MTUS2: variants seen among roughly 807,000 people sequenced by gnomAD.
MTUS2 encodes microtubule-associated tumor suppressor candidate 2.
A neutral mutation model predicts 114.1 loss-of-function variants in MTUS2; 40 were observed. The ratio of observed to expected loss-of-function variants is 0.35; its 90% CI spans 0.27 to 0.46. MTUS2 has a LOEUF of 0.46. Among genes scored for constraint, MTUS2 ranks in the 20% least tolerant of loss-of-function variants. The pLI is 1.00. For synonymous variants in MTUS2, 688 were observed against 672.0 expected (o/e 1.02, Z -0.37); for missense variants, 1,679 against 1,705.4 (o/e 0.98, Z 0.27).
intron 9 of MTUS2, among the ~76,000 whole-genome samples, chr13:29,479,581 C>T (rs1489034087): frequency 6.6e-6 from 1 of 152,216 alleles, no homozygotes; most frequent in African/African-American, 2.4e-5. Flanking sequence ...GAAACCCCCA[C>T]ACCTGCTCTG....
chr13:29,476,987 C>T (rs1880751353), intron 9 of MTUS2: 1 of 152,168 alleles, frequency 6.6e-6, no homozygotes. Flanking sequence ...TTATCCCATC[C>T]ACAGGTACAT....
intron 5 of MTUS2, among the ~76,000 whole-genome samples, chr13:29,212,896 G>C (rs11619729): frequency 2.4e-4 from 37 of 152,070 alleles, no homozygotes; most frequent in African/African-American, 4.8e-4. Flanking sequence ...AATCTCCAGC[G>C]CCAGAGGAAG....
intron 2 of MTUS2, among the ~76,000 whole-genome samples, chr13:28,906,597 T>G (rs1459371806): frequency 6.6e-6 from 1 of 151,700 alleles, no homozygotes; most frequent in African/African-American, 2.4e-5. Flanking sequence ...AGTTCTAGTT[T>G]GATTGCACTG....
intron 8 of MTUS2, among the ~76,000 whole-genome samples, chr13:29,406,815 G>A (rs544271313): frequency 1.3e-5 from 2 of 152,272 alleles, no homozygotes; most frequent in Admixed American, 1.3e-4. Flanking sequence ...ATATCATGCT[G>A]TAAGCATCAT....
At chr13:28,920,685 C>T (rs1269016948) in intron 2 of MTUS2, among the ~76,000 whole-genome samples, 2 of 152,194 alleles carry the variant, frequency 1.3e-5, no homozygotes, top group Non-Finnish European at 2.9e-5. Context: ...AAGATGCTGC[C>T]TGGGAGCTAG....
chr13:29,264,050 TAAAA>T (rs1383033121), intron 5 of MTUS2, among the ~76,000 whole-genome samples: 1 of 151,986 alleles, frequency 6.6e-6, no homozygotes, highest in Non-Finnish European at 1.5e-5. Context: ...GCCTGTAAAA[TAAAA>T]AACAAATTAT....
At chr13:28,944,540 T>TA (rs1486104480) in intron 2 of MTUS2, among the ~76,000 whole-genome samples, 1 of 152,236 alleles carries the variant, frequency 6.6e-6, no homozygotes, top group African/African-American at 2.4e-5. Context: ...GTCTTGTATA[T>TA]AATGACATTT....
intron 2 of MTUS2, among the ~76,000 whole-genome samples, chr13:28,980,249 C>T (rs1490659538): frequency 6.6e-6 from 1 of 152,142 alleles, no homozygotes; most frequent in African/African-American, 2.4e-5. Flanking sequence ...ATGTTTCCCC[C>T]TAGTTTTTCT....
chr13:29,011,073 C>T (rs962131763), intron 2 of MTUS2, among the ~76,000 whole-genome samples: 3 of 152,064 alleles, frequency 2.0e-5, no homozygotes, highest in Non-Finnish European at 2.9e-5. Context: ...ATCACTAAAC[C>T]GAATTGACCA....
At chr13:29,297,466 C>T (rs764082894) in intron 6 of MTUS2, among the ~76,000 whole-genome samples, 10 of 152,184 alleles carry the variant, frequency 6.6e-5, no homozygotes, top group Non-Finnish European at 1.3e-4. Context: ...CACCCCTAGT[C>T]ATACAACTTC....
chr13:29,229,266 C>T lies in MTUS2; in HGVS notation c.2645-52438C>T, dbSNP rs114434299. 1.5e-3 allele frequency among the ~76,000 whole-genome samples: 236 copies of T among 152,294 alleles called. 2 individuals are homozygous for T. The highest frequency in any genetic ancestry group is 5.3e-3 in the African/African-American group (219 of 41,570). On this transcript the variant is annotated intron_variant, in intron 5 of 15. Coordinates refer to ENST00000612955, the MANE Select transcript of MTUS2 (RefSeq NM_001033602.4). ...TAACTTTGTTTTGACCTCTAGCTTT[C>T]GTGTAATTTCTGCATCTGAACCATT...
At chr13:29,312,464 A>G (rs1156256747) in intron 6 of MTUS2, among the ~76,000 whole-genome samples, 2 of 152,250 alleles carry the variant, frequency 1.3e-5, no homozygotes, top group African/African-American at 4.8e-5. Flanking sequence ...ATATGAGGAC[A>G]CTTAATACTA....
chr13:29,324,732 G>A (rs755204072), intron 7 of MTUS2, 21 bp downstream of exon 7: 26 of 1,553,232 alleles, frequency 1.7e-5, no homozygotes, highest in Non-Finnish European at 2.3e-5. Flanking sequence ...AATATGATGT[G>A]TTCCTTGGGG....
chr13:29,307,399 C>T (rs1899523413), intron 6 of MTUS2: 6 of 1,007,308 alleles, frequency 6.0e-6, no homozygotes, highest in South Asian at 3.9e-5. Context: ...GAACATCATC[C>T]CTGCCCCTAG....
intron 9 of MTUS2, among the ~76,000 whole-genome samples, chr13:29,443,319 G>C (rs1269654316): frequency 6.6e-6 from 1 of 152,202 alleles, no homozygotes; most frequent in Non-Finnish European, 1.5e-5. Flanking sequence ...TGGCTCTGGG[G>C]GCCCTGTGTC....
At chr13:28,873,749 G>A (rs903549438) in intron 2 of MTUS2, among the ~76,000 whole-genome samples, 13 of 152,132 alleles carry the variant, frequency 8.5e-5, no homozygotes, top group Admixed American at 8.5e-4. Context: ...GTAAAGATCT[G>A]GCAGAGTTAT....
At chr13:28,915,979 A>G (rs956172894) in intron 2 of MTUS2, among the ~76,000 whole-genome samples, 2 of 151,666 alleles carry the variant, frequency 1.3e-5, no homozygotes, top group Non-Finnish European at 3.0e-5. Flanking sequence ...TTTGTATATG[A>G]CAGAAGATAG....
At chr13:29,329,063 TG>T (rs1176931194) in intron 7 of MTUS2, among the ~76,000 whole-genome samples, 2 of 152,178 alleles carry the variant, frequency 1.3e-5, no homozygotes, top group African/African-American at 4.8e-5. Flanking sequence ...TATTATTTTA[TG>T]TTGCATGCAG....
At position 29,026,749 on chromosome 13, in the gene MTUS2, C is replaced by T. The variant is rs1345246190; in HGVS notation, c.2051C>T (p.Ala684Val). The part of the protein sequence containing the change: ...CTMPLPHEEK[A>V]AGGDLKPSAN... ...ATGCCTCTTCCCCACGAAGAGAAGG[C>T]AGCAGGTGGTGACCTGAAGCCATCT... The change falls in exon 3 of 16, where the codon GCA (alanine) becomes GTA (valine). Residue 684 changes from alanine (A) to valine (V), a missense_variant. Physicochemically the swap from Ala to Val is moderately conservative, Grantham distance 64. Coordinates refer to ENST00000612955, the MANE Select transcript of MTUS2 (RefSeq NM_001033602.4). The T allele has an allele frequency of 6.2e-7, 1 of 1,613,948 alleles. No homozygotes were observed. The highest frequency in any genetic ancestry group is 1.1e-5 in the South Asian group (1 of 91,082).
Sources: allele counts gnomAD v4.1 joint callset (sites outside exome capture counted in the v4.1 genomes callset), GRCh38; gene constraint gnomAD v4.1.1; transcripts MANE v1.5; gene names NCBI Gene and HGNC (gene_info 2026-07-23, HGNC 2026-07-21).